Variants in FLNA observed in about 807,000 individuals in gnomAD.
FLNA encodes the protein filamin-A.
A neutral mutation model predicts 157.6 loss-of-function variants in FLNA; 7 were observed. That is an observed-to-expected ratio of 0.04 (90% CI 0.03 to 0.08). The LOEUF (loss-of-function observed/expected upper bound fraction) is 0.08, where lower values mean the gene tolerates loss of function less well. Among genes scored for constraint, FLNA ranks in the 10% least tolerant of loss-of-function variants. The pLI is 1.00. For synonymous variants in FLNA, 1,103 were observed against 1,060.8 expected (o/e 1.04, Z -0.77); for missense variants, 1,750 against 2,398.4 (o/e 0.73, Z 5.65).
chrX:154,370,318 CTG>C (rs200221545), intron 2 of FLNA, among the ~76,000 whole-genome samples: 3 of 111,414 alleles, frequency 2.7e-5, no homozygotes, highest in African/African-American at 6.6e-5. Context: ...CCCAGGTTGC[CTG>C]TGTGTGTGTG....
intron 2 of FLNA, among the ~76,000 whole-genome samples, chrX:154,368,648 A>G (rs1336900159): frequency 8.9e-6 from 1 of 112,240 alleles, no homozygotes; most frequent in African/African-American, 3.2e-5. Flanking sequence ...GAGTTGGGCA[A>G]ACGCCCTTTG....
chrX:154,366,929 C>G, intron 5 of FLNA, 79 bp from the exon 6 acceptor site: 3 of 809,927 alleles, frequency 3.7e-6, no homozygotes, highest in Non-Finnish European at 5.6e-6. Context: ...GCCCTCCCTG[C>G]TGGCCCCTAA....
Position 154,362,154 on chromosome X carries a change from G to C in FLNA, c.2657-6C>G. ...GGGCTTGCCAAGCTCGACACCTGAGGAACACACAGGGACCATGTAGGGGCA... is the reference window on the plus strand; with the variant it reads ...GGGCTTGCCAAGCTCGACACCTGAGCAACACACAGGGACCATGTAGGGGCA... On this transcript the variant is annotated splice_polypyrimidine_tract_variant and splice_region_variant and intron_variant, in intron 18 of 47. Coordinates refer to ENST00000369850, the MANE Select transcript of FLNA (RefSeq NM_001110556.2). 8.3e-7 allele frequency: 1 copy of C among 1,210,979 alleles called. No individual in the cohort carries two copies. Among genetic ancestry groups the C allele is most frequent in the Non-Finnish European group, 1.1e-6 (1 of 894,880 alleles).
Position 154,366,014 on chromosome X carries a change from C to T in FLNA, c.1429+10G>A. 2 of 1,192,954 alleles carry T rather than the reference C, an allele frequency of 1.7e-6. No homozygotes were observed. Among genetic ancestry groups the T allele is most frequent in the East Asian group, 3.0e-5 (1 of 33,606 alleles). The stretch of plus-strand genomic sequence containing the variant: ...GTGCCACAGCAGAGGGCAGTCAGGG[C>T]CGGGCCTACCTTGGCCAACAGTGAC... On this transcript the variant is annotated intron_variant, in intron 9 of 47. Transcript: ENST00000369850.
In FLNA at chrX:154,360,445, T is replaced by C. The variant is rs1209865046; in HGVS notation, c.3350A>G (p.Asn1117Ser). Residue 1117 changes from asparagine to serine, a missense_variant, in exon 22 of 48, where the codon AAT becomes AGT. Physicochemically the swap from Asn to Ser is conservative, Grantham distance 46. This residue lies in a region of FLNA where 648 missense variants were observed against 805.8 expected (regional missense o/e 0.80). Transcript: ENST00000369850. ...PCEAQLECLD[N>S]GDGTCSVSYV... ...GGACACGGAACATGTGCCATCCCCA[T>C]TGTCCAAGCACTCGAGCTGCGCCTC... is the stretch of plus-strand genomic sequence containing the variant. The C allele has an allele frequency of 1.7e-6, 2 of 1,211,468 alleles. No individual in the cohort carries two copies. Among genetic ancestry groups the C allele is most frequent in the African/African-American group, 1.7e-5 (1 of 58,000 alleles).
At chrX:154,356,963 G>A (rs781940699) in intron 30 of FLNA, among the ~76,000 whole-genome samples, 1 of 111,828 alleles carries the variant, frequency 8.9e-6, no homozygotes, top group African/African-American at 3.3e-5. Flanking sequence ...TCCCCAGTGG[G>A]GTGCCTCTCA....
chrX:154,350,818 T>C (rs1414351303), intron 44 of FLNA, 91 bp downstream of exon 44: 2 of 1,092,157 alleles, frequency 1.8e-6, no homozygotes, highest in Non-Finnish European at 2.5e-6. Context: ...GGCCCCGTCT[T>C]GGCTGCTTAC....
chrX:154,364,378 G>A lies in FLNA; in HGVS notation c.2023-6C>T, dbSNP rs372021340. 30 of 1,202,621 alleles carry A rather than the reference G, an allele frequency of 2.5e-5. No homozygotes were observed. Among genetic ancestry groups the A allele is most frequent in the East Asian group, 1.5e-4 (5 of 33,708 alleles). ...CCAGGCCCACGTGCCTTCACCTAGC[G>A]GGAGACCACCCAGCTGTCAGGGGGC... On this transcript the variant is annotated splice_region_variant and splice_polypyrimidine_tract_variant and intron_variant, in intron 13 of 47. Transcript: ENST00000369850.
rs1375431086 is a variant in FLNA, at chrX:154,359,603, G to A, written c.4023C>T (p.Pro1341=). ...TCACGGGCACCTGGAAGGGGCTGCT[G>A]GGCACGGGACTGCCGTCATAGGTCA... ...VDVTYDGSPV[P]SSPFQVPVTE... is the part of the protein sequence containing the mutation. Residue 1341 remains proline (P), a synonymous_variant, in exon 24 of 48, where the codon CCC becomes CCT. Coordinates refer to ENST00000369850, the MANE Select transcript of FLNA (RefSeq NM_001110556.2). The A allele has an allele frequency of 8.3e-7, 1 of 1,209,401 alleles. No homozygotes were observed. Among genetic ancestry groups the A allele is most frequent in the Non-Finnish European group, 1.1e-6 (1 of 895,079 alleles).
At position 154,359,552 on chromosome X, in the gene FLNA, C is replaced by T; in HGVS notation, c.4074G>A (p.Val1358=). 8.3e-7 allele frequency: 1 copy of T among 1,211,257 alleles called. No homozygotes were observed. The change falls in exon 24 of 48, where the codon GTG becomes GTA. Residue 1358 remains valine, a synonymous_variant. Transcript: ENST00000369850. ...TTTGGATGCCTGGCCCGTGGACACG[C>T]ACCCGGGAGGGGTCGCAGCCCTCGG... ...PVTEGCDPSR[V]RVHGPGIQSG... is the part of the protein sequence containing the mutation.
At chrX:154,369,925 G>A (rs1557180018) in intron 2 of FLNA, among the ~76,000 whole-genome samples, 1 of 112,260 alleles carries the variant, frequency 8.9e-6, no homozygotes, top group African/African-American at 3.2e-5. Flanking sequence ...GTAACTGGAA[G>A]GCCTCTCAAT....
Position 154,366,547 on chromosome X carries a change from T to C in FLNA, c.1065+15A>G. The stretch of plus-strand genomic sequence containing the variant: ...TGCCTGAGGTCACAAGCCTCCCCCC[T>C]GGCCAAGGGCTCACCTTATGAGTCC... On this transcript the variant is annotated intron_variant, in intron 7 of 47. Coordinates refer to ENST00000369850, the MANE Select transcript of FLNA (RefSeq NM_001110556.2). The C allele has an allele frequency of 8.3e-7, 1 of 1,210,231 alleles. No individual in the cohort carries two copies. The highest frequency in any genetic ancestry group is 1.1e-6 in the Non-Finnish European group (1 of 893,746).
chrX:154,351,422 G>A lies in FLNA; in HGVS notation c.7023+159C>T, dbSNP rs1373531196. 5 of 455,339 alleles carry A rather than the reference G, an allele frequency of 1.1e-5. No homozygotes were observed. In the Admixed American group the frequency reaches 1.2e-4, roughly 11 times the overall value. The allele number at this position is 455,339 out of a possible 1,213,427, so 37.5% of individuals were successfully genotyped here. Reference sequence around the variant, plus strand: ...CGTGGTGGGCAGGATATTTCCTGCCGACCCCAAGCGTGGGCTGCACCCGGC... The same window carrying A: ...CGTGGTGGGCAGGATATTTCCTGCCAACCCCAAGCGTGGGCTGCACCCGGC... On this transcript the variant is annotated intron_variant, in intron 43 of 47. Transcript: ENST00000369850.
rs781909155 is a variant in FLNA, at chrX:154,349,656, T to C, written c.7545A>G (p.Lys2515=). 3 of 1,211,899 alleles carry C rather than the reference T, an allele frequency of 2.5e-6. No individual in the cohort carries two copies. The South Asian group carries it at 5.3e-5, about 21-fold the overall frequency. The change falls in exon 46 of 48, where the codon AAA becomes AAG. Residue 2515 remains lysine, a synonymous_variant. Transcript: ENST00000369850. ...YHIGGSPFKA[K]VTGPRLVSNH... ...GCTTGGCCCCAGGCTCACCTGTGAC[T>C]TTGGCCTTGAAGGGGCTGCCCCCAA...
Position 154,371,247 on chromosome X carries a change from T to C in FLNA, c.-2A>G. 1 of 1,200,750 alleles carries C rather than the reference T, an allele frequency of 8.3e-7. No homozygotes were observed. The highest frequency in any genetic ancestry group is 1.1e-6 in the Non-Finnish European group (1 of 891,911). ...CGCCCGAGAGTGGGAGCTACTCATTTTGAGGCGCGAGAAGCCGGGGGGGCG... is the reference window on the plus strand; with the variant it reads ...CGCCCGAGAGTGGGAGCTACTCATTCTGAGGCGCGAGAAGCCGGGGGGGCG... On this transcript the variant is annotated 5_prime_UTR_variant, in exon 2 of 48. Coordinates refer to ENST00000369850, the MANE Select transcript of FLNA (RefSeq NM_001110556.2).
At chrX:154,357,112 C>G (rs955268084) in intron 30 of FLNA, 139 bp downstream of exon 30, 1 of 598,109 alleles carries the variant, frequency 1.7e-6, no homozygotes, top group East Asian at 3.6e-5. Context: ...AGCCCACGGC[C>G]TCATCTTCTG....
At position 154,348,752 on chromosome X, in the gene FLNA, G is replaced by A. The variant is rs1005450373; in HGVS notation, c.*97C>T. 26 of 810,118 alleles carry A rather than the reference G, an allele frequency of 3.2e-5. No homozygotes were observed. Among genetic ancestry groups the A allele is most frequent in the South Asian group, 1.3e-4 (5 of 38,804 alleles). The allele number at this position is 810,118 out of a possible 1,213,427, so 66.8% of individuals were successfully genotyped here. On this transcript the variant is annotated 3_prime_UTR_variant, in exon 48 of 48. Coordinates refer to ENST00000369850, the MANE Select transcript of FLNA (RefSeq NM_001110556.2). ...GGGGCGGCTGCAGTGACAGGCGGGC[G>A]GCCAGGGCGGCCTGGGCCGGGGTTG...
intron 28 of FLNA, 54 bp from the exon 29 acceptor site, chrX:154,357,677 C>T: frequency 9.2e-7 from 1 of 1,082,808 alleles, no homozygotes. Flanking sequence ...AGCCCCGGGC[C>T]TGCCTCAGGC....
intron 30 of FLNA, among the ~76,000 whole-genome samples, 183 bp downstream of exon 30, chrX:154,357,068 C>T (rs1240197646): frequency 8.9e-6 from 1 of 112,268 alleles, no homozygotes; most frequent in Non-Finnish European, 1.9e-5. Context: ...CGGTCATGCT[C>T]AGCTCCGGAA....
Sources: gnomAD v4.1 joint callset for allele counts (sites outside exome capture counted in the v4.1 genomes callset) on GRCh38, gnomAD v4.1.1 for gene constraint, gnomAD v4.1.1 regional missense constraint, MANE v1.5 for transcripts, NCBI Gene and HGNC (gene_info 2026-07-23, HGNC 2026-07-21) for gene names.